ZNF507: variants seen among roughly 807,000 people sequenced by gnomAD.
ZNF507 encodes the protein zinc finger protein 507.
In ZNF507, 29 loss-of-function variants were observed where a neutral mutation model predicts 80.0. The ratio of observed to expected loss-of-function variants is 0.36; its 90% CI spans 0.27 to 0.49. The LOEUF (loss-of-function observed/expected upper bound fraction) is 0.49. Ranked by LOEUF, ZNF507 falls within the 20% of genes least tolerant of loss-of-function variation. The pLI is 0.98. For missense variants in ZNF507, 1,081 were observed against 1,152.2 expected (o/e 0.94, Z 0.90); for synonymous variants, 462 against 422.5 (o/e 1.09, Z -1.15).
intron 5 of ZNF507, chr19:32,380,724 T>C: frequency 9.2e-7 from 1 of 1,083,494 alleles, no homozygotes; most frequent in Non-Finnish European, 1.4e-6. Context: ...AGTTTTACAA[T>C]ACGACCCAGC....
intron 5 of ZNF507, among the ~76,000 whole-genome samples, chr19:32,373,963 T>C (rs889006950): frequency 6.6e-6 from 1 of 152,174 alleles, no homozygotes; most frequent in Non-Finnish European, 1.5e-5. Flanking sequence ...TTTGAAAGGC[T>C]TGCTTAGTCA....
At chr19:32,371,643 A>T (rs58410622) in intron 5 of ZNF507, among the ~76,000 whole-genome samples, 53,036 of 92,288 alleles carry the variant, frequency 0.57, 12,965 homozygotes, top group Non-Finnish European at 0.67. Flanking sequence ...TATTATTATT[A>T]TTTTTTTTTT....
In ZNF507 at chr19:32,385,847, A is replaced by G. The variant is rs1465953339; in HGVS notation, c.*2764A>G. 6.6e-6 allele frequency: 1 copy of G among 152,136 alleles called. No homozygotes were observed. The highest frequency in any genetic ancestry group is 1.5e-5 in the Non-Finnish European group (1 of 68,018). The allele number at this position is 152,136 out of a possible 1,614,324, so 9.4% of individuals were successfully genotyped here. A position where few individuals can be genotyped will look rare whatever the true frequency, so the allele number is the denominator to read the frequency against. ...CCCCCCAAAAAAAAAATTCAGTAGGAATTCCTTCATAGAATAACATGTTAT... is the reference window on the plus strand; with the variant it reads ...CCCCCCAAAAAAAAAATTCAGTAGGGATTCCTTCATAGAATAACATGTTAT... On this transcript the variant is annotated 3_prime_UTR_variant, in exon 7 of 7. Coordinates refer to ENST00000355898, the MANE Select transcript of ZNF507 (RefSeq NM_001136156.2).
At chr19:32,380,702 T>C in intron 5 of ZNF507, 1 of 1,318,538 alleles carries the variant, frequency 7.6e-7, no homozygotes, top group Non-Finnish European at 1.1e-6. Flanking sequence ...TGCAGTTTCC[T>C]AAAAAGATGA....
chr19:32,380,645 G>T, intron 5 of ZNF507: 3 of 1,533,040 alleles, frequency 2.0e-6, no homozygotes, highest in Non-Finnish European at 2.6e-6. Flanking sequence ...TGGTTTGTTA[G>T]GTTTGTAATT....
rs764914677 is a variant in ZNF507, at chr19:32,353,060, C to A, written c.230C>A (p.Thr77Lys). 107 of 1,614,068 alleles carry A rather than the reference C, an allele frequency of 6.6e-5. No individual in the cohort carries two copies. The highest frequency in any genetic ancestry group is 8.9e-5 in the Non-Finnish European group (105 of 1,180,018). ...AAACGCCCACGTTCAAGTGCTGCAA[C>A]ACACTCTCTTGAAACCCAAGAACTT... ...GKKRPRSSAATHSLETQELCE... is the reference protein window; with the variant it reads ...GKKRPRSSAAKHSLETQELCE... Residue 77 changes from threonine to lysine, a missense_variant, in exon 3 of 7, where the codon ACA becomes AAA. Physicochemically the swap from Thr to Lys is moderately conservative, Grantham distance 78. Coordinates refer to ENST00000355898, the MANE Select transcript of ZNF507 (RefSeq NM_001136156.2).
At chr19:32,368,744 C>T (rs535415701) in intron 5 of ZNF507, among the ~76,000 whole-genome samples, 64 of 152,284 alleles carry the variant, frequency 4.2e-4, no homozygotes, top group African/African-American at 1.4e-3. Context: ...CTCTCAGGTT[C>T]ATCACAAAAT....
In ZNF507 at chr19:32,353,884, G is replaced by A. The variant is rs1482718843; in HGVS notation, c.1054G>A (p.Val352Ile). 15 of 1,614,190 alleles carry A rather than the reference G, an allele frequency of 9.3e-6. No individual in the cohort carries two copies. In the East Asian group the frequency reaches 2.9e-4, roughly 31 times the overall value. ...AAGAGGAGTACACCTAAGTCAGTCA[G>A]TTACCCTGGACCCCAATGAGGAAGA... ...AERGVHLSQS[V>I]TLDPNEEEML... The change falls in exon 3 of 7, where the codon GTT (valine) becomes ATT (isoleucine). Residue 352 changes from valine to isoleucine, a missense_variant. Physicochemically the swap from Val to Ile is conservative, Grantham distance 29. Around this residue, in one of 6 missense-constraint regions of ZNF507, gnomAD observed 614 missense variants for 583.9 expected, o/e 1.05. Coordinates refer to ENST00000355898, the MANE Select transcript of ZNF507 (RefSeq NM_001136156.2).
At chr19:32,358,712 G>A (rs766335589) in intron 4 of ZNF507, 13 of 152,212 alleles carry the variant, frequency 8.5e-5, no homozygotes, top group Non-Finnish European at 1.8e-4. Flanking sequence ...AAAACAAGCA[G>A]ATCCTTATCC....
At chr19:32,346,356 G>A (rs957966457) in intron 1 of ZNF507, among the ~76,000 whole-genome samples, 4 of 152,214 alleles carry the variant, frequency 2.6e-5, no homozygotes, top group Admixed American at 1.3e-4. Context: ...TGAATGGTTT[G>A]TGTAGAAGGC....
chr19:32,352,302 GA>G lies in ZNF507; in HGVS notation c.-2-519del, dbSNP rs968912691. 1.3e-3 allele frequency among the ~76,000 whole-genome samples: 203 copies of G among 151,710 alleles called. 3 individuals are homozygous for G. The highest frequency in any genetic ancestry group is 2.4e-3 in the Non-Finnish European group (166 of 67,892). ...TTTCACAATTTCAAAGATTTGGGGAGAAAAAAAACAAATTTGTGATTTTAGT... is the reference window on the plus strand; with the variant it reads ...TTTCACAATTTCAAAGATTTGGGGAGAAAAAAACAAATTTGTGATTTTAGT... On this transcript the variant is annotated intron_variant, in intron 2 of 6. Transcript: ENST00000355898.
intron 5 of ZNF507, among the ~76,000 whole-genome samples, chr19:32,370,880 AC>A (rs1236593615): frequency 6.6e-6 from 1 of 152,012 alleles, no homozygotes; most frequent in East Asian, 1.9e-4. Flanking sequence ...CAGCTATTTT[AC>A]CCATTTTGAG....
At chr19:32,370,875 A>G (rs185896245) in intron 5 of ZNF507, among the ~76,000 whole-genome samples, 141 of 152,204 alleles carry the variant, frequency 9.3e-4, no homozygotes, top group Admixed American at 2.4e-3. Flanking sequence ...CCATTCAGCT[A>G]TTTTACCCAT....
At chr19:32,352,706 C>T in intron 2 of ZNF507, 123 bp from the exon 3 acceptor site, 3 of 823,580 alleles carry the variant, frequency 3.6e-6, no homozygotes, top group South Asian at 4.1e-5. Flanking sequence ...GGACATGGAG[C>T]TTCCAGCTTA....
chr19:32,353,717 C>T lies in ZNF507; in HGVS notation c.887C>T (p.Ala296Val). The T allele has an allele frequency of 6.2e-7, 1 of 1,614,234 alleles. No homozygotes were observed. The highest frequency in any genetic ancestry group is 8.5e-7 in the Non-Finnish European group (1 of 1,180,052). ...CTAGGCCTGCTGGATTCTTCAGCAGCTGCTGCGCCTGGTGGGGTCGATGCA... is the reference window on the plus strand; with the variant it reads ...CTAGGCCTGCTGGATTCTTCAGCAGTTGCTGCGCCTGGTGGGGTCGATGCA... ...EPLGLLDSSAAAAPGGVDAVV... is the reference protein window; with the variant it reads ...EPLGLLDSSAVAAPGGVDAVV... Residue 296 changes from alanine (A) to valine (V), a missense_variant, in exon 3 of 7, where the codon GCT becomes GTT. Physicochemically the swap from Ala to Val is moderately conservative, Grantham distance 64 (BLOSUM62 0). Coordinates refer to ENST00000355898, the MANE Select transcript of ZNF507 (RefSeq NM_001136156.2).
chr19:32,374,474 C>CT (rs58648987), intron 5 of ZNF507, among the ~76,000 whole-genome samples: 30,189 of 138,056 alleles, frequency 0.22, 3,688 homozygotes, highest in East Asian at 0.45. Flanking sequence ...GCTTTTCTTT[C>CT]TTTTTTTTTT....
At chr19:32,348,953 A>G (rs1446133019) in intron 2 of ZNF507, among the ~76,000 whole-genome samples, 1 of 152,194 alleles carries the variant, frequency 6.6e-6, no homozygotes, top group Non-Finnish European at 1.5e-5. Context: ...GGCACGTTGA[A>G]ATGAGGATAA....
chr19:32,360,934 G>C (rs929320207), intron 5 of ZNF507, among the ~76,000 whole-genome samples: 1 of 152,164 alleles, frequency 6.6e-6, no homozygotes, highest in Non-Finnish European at 1.5e-5. Flanking sequence ...ACTGCACCTG[G>C]CTGGTATTAT....
At chr19:32,379,647 A>G (rs1285950021) in intron 5 of ZNF507, among the ~76,000 whole-genome samples, 1 of 152,216 alleles carries the variant, frequency 6.6e-6, no homozygotes, top group Non-Finnish European at 1.5e-5. Flanking sequence ...TGGATGTATT[A>G]AGTAATACAT....
Sources: allele counts gnomAD v4.1 joint callset (sites outside exome capture counted in the v4.1 genomes callset), GRCh38; gene constraint gnomAD v4.1.1; regional missense constraint gnomAD v4.1.1; transcripts MANE v1.5; gene names NCBI Gene and HGNC (gene_info 2026-07-23, HGNC 2026-07-21).